The following ANKRD6 variants were observed in gnomAD, a reference collection of about 807,000 sequenced individuals.
ANKRD6 encodes ankyrin repeat domain-containing protein 6.
In ANKRD6, 56 loss-of-function variants were observed where a neutral mutation model predicts 82.3. The observed-to-expected ratio is 0.68, with a 90% CI of 0.55 to 0.85. The LOEUF is 0.85. Among genes scored for constraint, ANKRD6 ranks in the 40% least tolerant of loss-of-function variants. ANKRD6 has a pLI of 0.00. For synonymous variants in ANKRD6, 347 were observed against 352.1 expected (o/e 0.99, Z 0.16); for missense variants, 852 against 907.6 (o/e 0.94, Z 0.79).
chr6:89,584,356 G>A (rs751833701), intron 2 of ANKRD6, among the ~76,000 whole-genome samples: 36 of 152,234 alleles, frequency 2.4e-4, no homozygotes, highest in Non-Finnish European at 5.1e-4. Flanking sequence ...AGATGCCAGT[G>A]CAGGTGGTCT....
intron 11 of ANKRD6, 69 bp from the exon 12 acceptor site, chr6:89,623,803 C>T (rs1804551509): frequency 1.1e-5 from 17 of 1,490,422 alleles, no homozygotes; most frequent in Middle Eastern, 2.4e-4. Context: ...GTGACATGGG[C>T]GCCACCGACT....
intron 5 of ANKRD6, among the ~76,000 whole-genome samples, chr6:89,608,354 T>TACACACACACAC (rs540574068): frequency 1.5e-5 from 2 of 137,382 alleles, no homozygotes; most frequent in African/African-American, 5.7e-5. Context: ...CCCTCCCTAA[T>TACACACACACAC]ACACACACAC....
intron 1 of ANKRD6, among the ~76,000 whole-genome samples, chr6:89,523,586 GA>G (rs1782127222): frequency 2.0e-5 from 3 of 152,164 alleles, no homozygotes; most frequent in Admixed American, 1.3e-4. Context: ...TCTGGATCCA[GA>G]ATTCAGTTTT....
At chr6:89,507,333 TA>T (rs1431154398) in intron 1 of ANKRD6, among the ~76,000 whole-genome samples, 1 of 152,162 alleles carries the variant, frequency 6.6e-6, no homozygotes, top group African/African-American at 2.4e-5. Flanking sequence ...CTCTTCACTA[TA>T]AAAATATGCA....
At chr6:89,596,159 A>C (rs1036435842) in intron 3 of ANKRD6, 145 bp downstream of exon 3, 100 of 716,832 alleles carry the variant, frequency 1.4e-4, no homozygotes, top group Non-Finnish European at 2.2e-4. Context: ...TGTGGCAGCA[A>C]GAACTTCCTC....
At chr6:89,535,854 A>G (rs1160358351) in intron 1 of ANKRD6, among the ~76,000 whole-genome samples, 1 of 152,218 alleles carries the variant, frequency 6.6e-6, no homozygotes, top group African/African-American at 2.4e-5. Context: ...AATCCCAAGT[A>G]CATGGTCTCT....
rs1277764365 is a variant in ANKRD6 at position 89,630,528 on chromosome 6, G to T, written c.1708G>T (p.Ala570Ser). 1.9e-6 allele frequency: 3 copies of T among 1,613,846 alleles called. No homozygotes were observed. The African/African-American group carries it at 4.0e-5, about 22-fold the overall frequency. The change falls in exon 16 of 16, where the codon GCT (alanine) becomes TCT (serine). Residue 570 changes from alanine (A) to serine (S), a missense_variant. Transcript: ENST00000339746. ...RPKEKALNST[A>S]TQRLQQELSS... ...CAAAGAGAAGGCCCTCAACTCCACT[G>T]CTACCCAGAGACTCCAGCAGGAGCT...
At chr6:89,491,302 C>T (rs918006022) in intron 1 of ANKRD6, among the ~76,000 whole-genome samples, 7 of 152,124 alleles carry the variant, frequency 4.6e-5, no homozygotes, top group African/African-American at 9.7e-5. Context: ...ATTCAGGACA[C>T]GTGACCCCAA....
At chr6:89,451,831 A>AC (rs1772862625) in intron 1 of ANKRD6, among the ~76,000 whole-genome samples, 1 of 151,962 alleles carries the variant, frequency 6.6e-6, no homozygotes, top group Non-Finnish European at 1.5e-5. Context: ...TCTTATTATA[A>AC]CCCCCTCTGC....
intron 1 of ANKRD6, among the ~76,000 whole-genome samples, chr6:89,553,063 T>C (rs191933683): frequency 1.3e-5 from 2 of 152,290 alleles, no homozygotes; most frequent in Admixed American, 1.3e-4. Flanking sequence ...TGCATGTTGA[T>C]AGCTGCAGAG....
chr6:89,627,985 AG>A (rs1806268620), intron 14 of ANKRD6, among the ~76,000 whole-genome samples: 1 of 152,236 alleles, frequency 6.6e-6, no homozygotes, highest in African/African-American at 2.4e-5. Context: ...AGGCCATTAC[AG>A]TTTTAGAACA....
At chr6:89,434,142 CTGACTCCACCACTTGTTAGGTGTG>C (rs2127914738) in intron 1 of ANKRD6, among the ~76,000 whole-genome samples, 1 of 152,292 alleles carries the variant, frequency 6.6e-6, no homozygotes, top group African/African-American at 2.4e-5. Context: ...AGATGGAGTT[CTGACTCCACCACTTGTTAGGTGTG>C]TGACTTTGGA....
chr6:89,514,235 G>A (rs543150543), intron 1 of ANKRD6, among the ~76,000 whole-genome samples: 7 of 152,222 alleles, frequency 4.6e-5, no homozygotes, highest in South Asian at 2.1e-4. Context: ...AAAATTAGCC[G>A]GGCATTGTGG....
rs757199599 is a variant in ANKRD6, at chr6:89,624,032, G to A, written c.1193G>A (p.Arg398Gln). ...GCGTATCAGCTCTACACATTGTACC[G>A]GGGCAAGGATGGGAAAGTGATGCAG... is the stretch of plus-strand genomic sequence containing the variant. ...FRAYQLYTLY[R>Q]GKDGKVMQAP... Residue 398 changes from arginine to glutamine, a missense_variant, in exon 12 of 16, where the codon CGG (arginine) becomes CAG (glutamine). Transcript: ENST00000339746. The A allele has an allele frequency of 5.0e-5, 78 of 1,573,230 alleles. No individual in the cohort carries two copies. Among genetic ancestry groups the A allele is most frequent in the Admixed American group, 1.6e-4 (9 of 57,186 alleles).
intron 1 of ANKRD6, among the ~76,000 whole-genome samples, chr6:89,468,001 T>A (rs990086901): frequency 6.6e-6 from 1 of 152,200 alleles, no homozygotes; most frequent in Non-Finnish European, 1.5e-5. Flanking sequence ...CCTGAGGCAG[T>A]GTGCCTCTCA....
intron 5 of ANKRD6, among the ~76,000 whole-genome samples, chr6:89,611,435 C>T (rs1800231447): frequency 6.6e-6 from 1 of 152,210 alleles, no homozygotes; most frequent in Admixed American, 6.5e-5. Context: ...ATCACACGGC[C>T]TTGCTTTCTT....
intron 14 of ANKRD6, chr6:89,628,187 G>T (rs1806341243): frequency 6.2e-6 from 1 of 161,064 alleles, no homozygotes; most frequent in Admixed American, 5.8e-5. Flanking sequence ...ATAGCTCTCT[G>T]CTTGGGTGCC....
intron 1 of ANKRD6, among the ~76,000 whole-genome samples, chr6:89,518,993 T>C (rs1781569245): frequency 2.0e-5 from 3 of 152,228 alleles, no homozygotes; most frequent in Non-Finnish European, 4.4e-5. Context: ...GCTTTATCTC[T>C]GTGCACTTAC....
intron 1 of ANKRD6, among the ~76,000 whole-genome samples, chr6:89,476,935 G>A (rs551056131): frequency 7.7e-4 from 117 of 152,188 alleles, no homozygotes; most frequent in Non-Finnish European, 1.3e-3. Flanking sequence ...TAAAAAATAT[G>A]AAAGGTTTTT....
Sources: allele counts gnomAD v4.1 joint callset (sites outside exome capture counted in the v4.1 genomes callset), GRCh38; gene constraint gnomAD v4.1.1; transcripts MANE v1.5; gene names NCBI Gene and HGNC (gene_info 2026-07-23, HGNC 2026-07-21).